The following PRKG1 variants were observed in gnomAD, a reference collection of about 807,000 sequenced individuals.
PRKG1 encodes cGMP-dependent protein kinase 1.
A neutral mutation model predicts 88.1 loss-of-function variants in PRKG1; 35 were observed. That is an observed-to-expected ratio of 0.40 (90% CI 0.30 to 0.53). PRKG1 has a LOEUF of 0.53. Among genes scored for constraint, PRKG1 ranks in the 20% least tolerant of loss-of-function variants. The pLI, the probability that PRKG1 is intolerant of heterozygous loss-of-function variation, is 0.59. For synonymous variants in PRKG1, 303 were observed against 292.5 expected, an observed-to-expected ratio of 1.04 and a Z score of -0.37; for missense variants, 540 against 839.8, an observed-to-expected ratio of 0.64 and a Z score of 4.41.
chr10:51,326,761 GAC>G lies in PRKG1; in HGVS notation c.479-140958_479-140957del, dbSNP rs1192461111. On this transcript the variant is annotated intron_variant, in intron 2 of 17. Coordinates refer to ENST00000373980, the MANE Select transcript of PRKG1 (RefSeq NM_006258.4). ...AGCTTTCCCAGTGTTTTCCCTTTGG[GAC>G]ACAGATTATTTAAGTGCTGAATACA... 4.6e-5 allele frequency among the ~76,000 whole-genome samples: 7 copies of G among 152,184 alleles called. No individual in the cohort carries two copies. In the East Asian group the frequency reaches 1.3e-3, roughly 29 times the overall value.
At chr10:51,983,175 G>C (rs1319119717) in intron 5 of PRKG1, among the ~76,000 whole-genome samples, 1 of 152,138 alleles carries the variant, frequency 6.6e-6, no homozygotes, top group Non-Finnish European at 1.5e-5. Flanking sequence ...CGTGGGGCTG[G>C]CTGGCTCTTT....
chr10:51,623,334 G>T (rs932914337), intron 3 of PRKG1, among the ~76,000 whole-genome samples: 5 of 152,172 alleles, frequency 3.3e-5, no homozygotes, highest in Admixed American at 3.3e-4. Flanking sequence ...CCAAGTAGCT[G>T]GGACCACAGG....
intron 2 of PRKG1, among the ~76,000 whole-genome samples, chr10:51,451,287 T>TC (rs1412217487): frequency 1.5e-4 from 6 of 40,122 alleles, no homozygotes; most frequent in African/African-American, 1.3e-3. Context: ...GTAAACTTTT[T>TC]TTTTTTGGTG....
chr10:51,212,674 G>T (rs558302731), intron 2 of PRKG1, among the ~76,000 whole-genome samples: 151 of 152,166 alleles, frequency 9.9e-4, no homozygotes, highest in Non-Finnish European at 1.7e-3. Context: ...ACAGACACTT[G>T]TCAAAAGAAG....
At chr10:52,060,908 C>A (rs556926397) in intron 6 of PRKG1, among the ~76,000 whole-genome samples, 1 of 152,068 alleles carries the variant, frequency 6.6e-6, no homozygotes, top group Non-Finnish European at 1.5e-5. Context: ...AAACTGGAAG[C>A]AACCCACATT....
At chr10:51,145,513 T>C (rs1238897974) in intron 1 of PRKG1, among the ~76,000 whole-genome samples, 4 of 152,164 alleles carry the variant, frequency 2.6e-5, no homozygotes, top group African/African-American at 9.7e-5. Context: ...TCTGTGAAAC[T>C]TCACGGTTTT....
At chr10:51,629,000 A>C (rs920151530) in intron 3 of PRKG1, among the ~76,000 whole-genome samples, 1 of 152,038 alleles carries the variant, frequency 6.6e-6, no homozygotes, top group African/African-American at 2.4e-5. Context: ...AACCAAAAAA[A>C]CTGCAAGTTA....
intron 3 of PRKG1, among the ~76,000 whole-genome samples, chr10:51,690,480 G>A (rs1446745234): frequency 6.6e-6 from 1 of 152,162 alleles, no homozygotes; most frequent in African/African-American, 2.4e-5. Flanking sequence ...CCTGTTATAT[G>A]AAAGTTTATA....
chr10:51,246,275 A>C (rs1839286931), intron 2 of PRKG1, among the ~76,000 whole-genome samples: 1 of 152,116 alleles, frequency 6.6e-6, no homozygotes, highest in African/African-American at 2.4e-5. Context: ...AAAGGAACTA[A>C]TAAAAAGTTG....
At chr10:51,097,366 G>A (rs888057509) in intron 1 of PRKG1, among the ~76,000 whole-genome samples, 2 of 152,072 alleles carry the variant, frequency 1.3e-5, no homozygotes, top group Admixed American at 1.3e-4. Flanking sequence ...GGGATTACAG[G>A]TGCCTGCCAC....
At chr10:52,226,633 G>A (rs1840394525) in intron 9 of PRKG1, among the ~76,000 whole-genome samples, 1 of 152,060 alleles carries the variant, frequency 6.6e-6, no homozygotes, top group Non-Finnish European at 1.5e-5. Flanking sequence ...GCATCCTCAG[G>A]GCTGTGAGTC....
intron 1 of PRKG1, among the ~76,000 whole-genome samples, chr10:50,995,994 A>T (rs2132710188): frequency 6.6e-6 from 1 of 152,304 alleles, no homozygotes; most frequent in Middle Eastern, 3.4e-3. Flanking sequence ...GAAATCAAGG[A>T]GTTTGGCCTA....
intron 7 of PRKG1, among the ~76,000 whole-genome samples, chr10:52,117,733 A>G (rs1847722694): frequency 6.6e-6 from 1 of 152,106 alleles, no homozygotes; most frequent in Non-Finnish European, 1.5e-5. Flanking sequence ...CTGTCTTTTA[A>G]TCACACATTC....
chr10:52,282,888 C>T (rs1169048797), intron 14 of PRKG1, among the ~76,000 whole-genome samples: 1 of 151,980 alleles, frequency 6.6e-6, no homozygotes, highest in Non-Finnish European at 1.5e-5. Flanking sequence ...GTGTTATGAC[C>T]TACAGATTTC....
At chr10:51,482,021 C>T (rs531352161) in intron 3 of PRKG1, among the ~76,000 whole-genome samples, 3 of 152,096 alleles carry the variant, frequency 2.0e-5, no homozygotes, top group South Asian at 2.1e-4. Context: ...CTCTGTACTT[C>T]GAAAGCATTA....
At chr10:51,569,811 G>A (rs1481981916) in intron 3 of PRKG1, among the ~76,000 whole-genome samples, 1 of 151,874 alleles carries the variant, frequency 6.6e-6, no homozygotes, top group Non-Finnish European at 1.5e-5. Context: ...TCCCTGATGA[G>A]GCTGTTGTAT....
chr10:52,278,905 A>G (rs1841937066), intron 12 of PRKG1, among the ~76,000 whole-genome samples: 1 of 150,740 alleles, frequency 6.6e-6, no homozygotes, highest in Non-Finnish European at 1.5e-5. Context: ...TCCATCTCAA[A>G]AAAAAAAAAA....
chr10:51,001,880 A>G (rs1451404346), intron 1 of PRKG1, among the ~76,000 whole-genome samples: 2 of 152,240 alleles, frequency 1.3e-5, no homozygotes, highest in Non-Finnish European at 2.9e-5. Context: ...ATTTTAAAAT[A>G]TATTGTCAAA....
rs916156422 is a variant in PRKG1 at position 51,375,522 on chromosome 10, C to T, written c.479-92201C>T. 2.6e-5 allele frequency among the ~76,000 whole-genome samples: 4 copies of T among 151,784 alleles called. No individual in the cohort carries two copies. The East Asian group carries it at 7.7e-4, about 29-fold the overall frequency. On this transcript the variant is annotated intron_variant, in intron 2 of 17. Transcript: ENST00000373980. ...ATCCAAAATGTTCCAGTGAGCATTT[C>T]CTTTTAGTGTCATGTCAGCACTCAA...
Sources: gnomAD v4.1 joint callset for allele counts (sites outside exome capture counted in the v4.1 genomes callset) on GRCh38, gnomAD v4.1.1 for gene constraint, MANE v1.5 for transcripts, NCBI Gene and HGNC (gene_info 2026-07-23, HGNC 2026-07-21) for gene names.